The following DCBLD2 variants were observed in gnomAD, a reference collection of about 807,000 sequenced individuals.
The protein encoded by DCBLD2 is discoidin, CUB and LCCL domain containing 2, also known as discoidin, CUB and LCCL domain-containing protein 2.
A neutral mutation model predicts 86.8 loss-of-function variants in DCBLD2; 54 were observed. The ratio of observed to expected loss-of-function variants is 0.62; its 90% CI spans 0.50 to 0.78. The LOEUF (loss-of-function observed/expected upper bound fraction) is 0.78, where lower values mean the gene tolerates loss of function less well. DCBLD2 is among the 30% of genes least tolerant of loss of function. The pLI, the probability that DCBLD2 is intolerant of heterozygous loss-of-function variation, is 0.00. For synonymous variants in DCBLD2, 354 were observed against 341.3 expected, an observed-to-expected ratio of 1.04 and a Z score of -0.41; for missense variants, 908 against 954.2, an observed-to-expected ratio of 0.95 and a Z score of 0.64.
At chr3:98,860,753 C>T (rs183386437) in intron 2 of DCBLD2, among the ~76,000 whole-genome samples, 17 of 152,294 alleles carry the variant, frequency 1.1e-4, no homozygotes, top group Non-Finnish European at 2.1e-4. Context: ...ACAACCAATA[C>T]CAGCCACTGC....
chr3:98,834,887 T>C (rs2107462910), intron 3 of DCBLD2, among the ~76,000 whole-genome samples: 1 of 152,030 alleles, frequency 6.6e-6, no homozygotes, highest in South Asian at 2.1e-4. Context: ...CTGCCTGTCA[T>C]AATCCCAACT....
At position 98,901,401 on chromosome 3, in the gene DCBLD2, C is replaced by T; in HGVS notation, c.-75G>A. 2 of 1,246,802 alleles carry T rather than the reference C, an allele frequency of 1.6e-6. No homozygotes were observed. The highest frequency in any genetic ancestry group is 2.0e-6 in the Non-Finnish European group (2 of 996,744). The allele number at this position is 1,246,802 out of a possible 1,614,324, so 77.2% of individuals were successfully genotyped here. On this transcript the variant is annotated 5_prime_UTR_variant, in exon 1 of 16. Coordinates refer to ENST00000326840, the MANE Select transcript of DCBLD2 (RefSeq NM_080927.4). ...GCGCGCCTCTGGCCGCGGCACCCGA[C>T]CAGGAGACGGCGGCAGCGGCGGGAG...
chr3:98,801,252 C>CT (rs1941713031), intron 14 of DCBLD2: 1 of 280,402 alleles, frequency 3.6e-6, no homozygotes, highest in East Asian at 6.4e-5. Flanking sequence ...CAAACACACA[C>CT]TGTGTCCTGG....
At chr3:98,820,464 C>T (rs150091131) in intron 6 of DCBLD2, among the ~76,000 whole-genome samples, 176 bp from the exon 7 acceptor site, 1 of 152,248 alleles carries the variant, frequency 6.6e-6, no homozygotes, top group Admixed American at 6.5e-5. Context: ...CATTTCTAAG[C>T]AGGACAACTT....
At chr3:98,896,525 A>T (rs1456257987) in intron 1 of DCBLD2, among the ~76,000 whole-genome samples, 1 of 152,222 alleles carries the variant, frequency 6.6e-6, no homozygotes, top group Admixed American at 6.5e-5. Context: ...ATTAGCCTAT[A>T]AGTTAATTTT....
intron 2 of DCBLD2, among the ~76,000 whole-genome samples, chr3:98,860,193 G>T (rs572587270): frequency 1.3e-5 from 2 of 152,278 alleles, no homozygotes; most frequent in Non-Finnish European, 1.5e-5. Context: ...AAAAAGAAAT[G>T]AACAAAGCCT....
chr3:98,891,511 A>C (rs2107530622), intron 1 of DCBLD2, among the ~76,000 whole-genome samples: 1 of 152,180 alleles, frequency 6.6e-6, no homozygotes, highest in African/African-American at 2.4e-5. Flanking sequence ...TCCACTGTCC[A>C]CACTTCAGCC....
At chr3:98,801,215 CACTTGGTGAAT>C (rs1261142578) in intron 14 of DCBLD2, 1 of 245,784 alleles carries the variant, frequency 4.1e-6, no homozygotes, top group African/African-American at 2.2e-5. Flanking sequence ...TGCTGGACTC[CACTTGGTGAAT>C]AACCATGGCA....
intron 2 of DCBLD2, among the ~76,000 whole-genome samples, chr3:98,867,712 T>A (rs980189647): frequency 1.3e-5 from 2 of 152,100 alleles, no homozygotes; most frequent in African/African-American, 4.8e-5. Context: ...AGTTCAATTG[T>A]CATCAGACTT....
At chr3:98,819,817 A>C (rs1218699268) in intron 7 of DCBLD2, among the ~76,000 whole-genome samples, 1 of 152,124 alleles carries the variant, frequency 6.6e-6, no homozygotes, top group Non-Finnish European at 1.5e-5. Flanking sequence ...ATCTTTTATC[A>C]TATTGTAAAC....
rs753570761 is a variant in DCBLD2 at position 98,881,646 on chromosome 3, C to T, written c.327G>A (p.Glu109=). 3.7e-6 allele frequency: 6 copies of T among 1,613,866 alleles called. No homozygotes were observed. The Admixed American group carries it at 5.0e-5, about 13-fold the overall frequency. Residue 109 remains glutamate (E), a synonymous_variant, in exon 2 of 16, where the codon GAG becomes GAA. Coordinates refer to ENST00000326840, the MANE Select transcript of DCBLD2 (RefSeq NM_080927.4). ...AGTCACCAAATTTGATGCGAACTCTCTCTCCCATCTTTACACGGATCTCCC... is the reference window on the plus strand; with the variant it reads ...AGTCACCAAATTTGATGCGAACTCTTTCTCCCATCTTTACACGGATCTCCC... ...CEWEIRVKMG[E]RVRIKFGDFD... is the part of the protein sequence containing the mutation.
At chr3:98,844,184 G>A (rs1942677551) in intron 3 of DCBLD2, among the ~76,000 whole-genome samples, 1 of 151,964 alleles carries the variant, frequency 6.6e-6, no homozygotes, top group Non-Finnish European at 1.5e-5. Context: ...TCGTCACCCA[G>A]AACCATTCTA....
At chr3:98,861,187 T>TGGC (rs1559790263) in intron 2 of DCBLD2, among the ~76,000 whole-genome samples, 1 of 152,022 alleles carries the variant, frequency 6.6e-6, no homozygotes, top group East Asian at 1.9e-4. Context: ...ATCCTAAATA[T>TGGC]ATATGCAGCC....
intron 2 of DCBLD2, among the ~76,000 whole-genome samples, chr3:98,878,635 C>T (rs1170322670): frequency 1.3e-5 from 2 of 152,184 alleles, no homozygotes; most frequent in Non-Finnish European, 2.9e-5. Context: ...TATTTCTCTG[C>T]AATACGTTAA....
intron 3 of DCBLD2, among the ~76,000 whole-genome samples, chr3:98,839,836 A>G (rs141824330): frequency 1.6e-3 from 248 of 152,362 alleles, no homozygotes; most frequent in Admixed American, 6.5e-3. Flanking sequence ...GAAGTTTTAA[A>G]AAGTTAGGGA....
chr3:98,878,498 G>C (rs1011138263), intron 2 of DCBLD2, among the ~76,000 whole-genome samples: 3 of 151,796 alleles, frequency 2.0e-5, no homozygotes, highest in African/African-American at 7.2e-5. Flanking sequence ...TGATATAGGG[G>C]GAAAAAAAAA....
At chr3:98,879,428 C>T (rs1377370336) in intron 2 of DCBLD2, among the ~76,000 whole-genome samples, 2 of 151,974 alleles carry the variant, frequency 1.3e-5, no homozygotes, top group Non-Finnish European at 2.9e-5. Flanking sequence ...GCTCTGTCAC[C>T]CAGGCTGGAG....
At chr3:98,806,453 A>G (rs776699040) in intron 13 of DCBLD2, among the ~76,000 whole-genome samples, 5 of 152,006 alleles carry the variant, frequency 3.3e-5, no homozygotes, top group Non-Finnish European at 7.4e-5. Context: ...GGAATTTCCT[A>G]AAGTCCTTTC....
At chr3:98,900,322 CTG>C (rs1450558077) in intron 1 of DCBLD2, among the ~76,000 whole-genome samples, 2 of 152,180 alleles carry the variant, frequency 1.3e-5, no homozygotes, top group African/African-American at 4.8e-5. Flanking sequence ...TTTTCAAAAA[CTG>C]ATGCCAAACT....
Sources: gnomAD v4.1 joint callset for allele counts (sites outside exome capture counted in the v4.1 genomes callset) on GRCh38, gnomAD v4.1.1 for gene constraint, MANE v1.5 for transcripts, NCBI Gene and HGNC (gene_info 2026-07-23, HGNC 2026-07-21) for gene names.